Variants in ATP8A2 observed in about 807,000 individuals in gnomAD.
The protein encoded by ATP8A2 is phospholipid-transporting ATPase IB.
ATP8A2 carries 100 observed loss-of-function variants against 165.6 expected under a neutral mutation model. That is an observed-to-expected ratio of 0.60 (90% CI 0.51 to 0.71). ATP8A2 has a LOEUF of 0.71. ATP8A2 is among the 30% of genes least tolerant of loss of function. The pLI, the probability that ATP8A2 is intolerant of heterozygous loss-of-function variation, is 0.00. For missense variants in ATP8A2, 1,227 were observed against 1,479.5 expected (o/e 0.83, Z 2.80); for synonymous variants, 543 against 548.8 (o/e 0.99, Z 0.15).
intron 33 of ATP8A2, among the ~76,000 whole-genome samples, chr13:25,947,559 C>T (rs1285156708): frequency 1.3e-5 from 2 of 152,158 alleles, no homozygotes; most frequent in African/African-American, 4.8e-5. Context: ...TCCAGGACTT[C>T]CAGCTCAGAA....
At chr13:25,976,070 A>C (rs1956028880) in intron 35 of ATP8A2, among the ~76,000 whole-genome samples, 1 of 152,084 alleles carries the variant, frequency 6.6e-6, no homozygotes, top group Non-Finnish European at 1.5e-5. Flanking sequence ...CTGAATCTGG[A>C]GAACTTTCTC....
At chr13:25,864,970 C>T (rs1952466477) in intron 33 of ATP8A2, among the ~76,000 whole-genome samples, 1 of 152,196 alleles carries the variant, frequency 6.6e-6, no homozygotes, top group Non-Finnish European at 1.5e-5. Flanking sequence ...TGACTCAGTG[C>T]TTTGTTCATT....
In ATP8A2 at chr13:25,685,744, C is replaced by T. The variant is rs180992747; in HGVS notation, c.2212-13429C>T. On this transcript the variant is annotated intron_variant, in intron 24 of 36. Transcript: ENST00000381655. The stretch of plus-strand genomic sequence containing the variant: ...AGGAGGTCAGAGGGGTGCTGGGCCT[C>T]GCTGGCCATCAGAAGGCACTTGGTT... 7.2e-3 allele frequency among the ~76,000 whole-genome samples: 1,097 copies of T among 152,222 alleles called. 13 individuals are homozygous for T. Among genetic ancestry groups the T allele is most frequent in the African/African-American group, 0.025 (1,023 of 41,540 alleles).
At chr13:25,583,388 A>G (rs945595581) in intron 23 of ATP8A2, among the ~76,000 whole-genome samples, 7 of 152,218 alleles carry the variant, frequency 4.6e-5, no homozygotes, top group African/African-American at 1.7e-4. Context: ...AAAAAAGTGG[A>G]TAACCCCTCA....
At chr13:25,585,003 G>T (rs549419961) in intron 23 of ATP8A2, among the ~76,000 whole-genome samples, 1 of 151,878 alleles carries the variant, frequency 6.6e-6, no homozygotes, top group African/African-American at 2.4e-5. Flanking sequence ...TATCTATCTC[G>T]TAGTTTGAGA....
At chr13:25,498,047 A>G (rs888833243) in intron 2 of ATP8A2, among the ~76,000 whole-genome samples, 7 of 152,188 alleles carry the variant, frequency 4.6e-5, no homozygotes, top group Admixed American at 4.6e-4. Context: ...CACCTGATCC[A>G]TATGCTGTAT....
At chr13:25,753,749 G>T (rs1430231586) in intron 25 of ATP8A2, among the ~76,000 whole-genome samples, 2 of 152,174 alleles carry the variant, frequency 1.3e-5, no homozygotes, top group African/African-American at 4.8e-5. Flanking sequence ...TTGTGGAAGG[G>T]TCTCAGTATC....
intron 25 of ATP8A2, among the ~76,000 whole-genome samples, chr13:25,709,101 G>A (rs1257342460): frequency 6.6e-6 from 1 of 152,168 alleles, no homozygotes; most frequent in Non-Finnish European, 1.5e-5. Context: ...AGGCCTGTAA[G>A]TGAGAGAGGC....
chr13:25,891,287 T>C (rs189927612), intron 33 of ATP8A2, among the ~76,000 whole-genome samples: 2 of 152,284 alleles, frequency 1.3e-5, no homozygotes, highest in Admixed American at 6.5e-5. Context: ...CAGAATGGGA[T>C]AGAAATCAGG....
chr13:25,507,199 A>G (rs1489768750), intron 2 of ATP8A2, among the ~76,000 whole-genome samples: 1 of 145,748 alleles, frequency 6.9e-6, no homozygotes, highest in Non-Finnish European at 1.5e-5. Flanking sequence ...TGGGGTGGGT[A>G]ATTGTGCTGG....
rs149225781 is a variant in ATP8A2 at position 25,882,941 on chromosome 13, G to A, written c.3183+20533G>A. On this transcript the variant is annotated intron_variant, in intron 33 of 36. Coordinates refer to ENST00000381655, the MANE Select transcript of ATP8A2 (RefSeq NM_016529.6). ...GATGATGATGATGATGATGATGATGGTGATGGTGATGATGGTGATGGTGAT... is the reference window on the plus strand; with the variant it reads ...GATGATGATGATGATGATGATGATGATGATGGTGATGATGGTGATGGTGAT... Among the ~76,000 whole-genome samples, 32 of 115,726 alleles carry A rather than the reference G, an allele frequency of 2.8e-4. 1 individual carries two copies. The highest frequency in any genetic ancestry group is 5.0e-3 in the Middle Eastern group (1 of 202). 75.9% of individuals were successfully genotyped at this position (115,726 alleles called of 152,430 possible).
At chr13:25,922,408 G>A (rs1050183769) in intron 33 of ATP8A2, among the ~76,000 whole-genome samples, 3 of 152,180 alleles carry the variant, frequency 2.0e-5, no homozygotes, top group Admixed American at 6.5e-5. Flanking sequence ...CTGGTGACAA[G>A]ACGATGAAAT....
At position 25,579,930 on chromosome 13, in the gene ATP8A2, T is replaced by C. The variant is rs2138232177; in HGVS notation, c.1990T>C (p.Tyr664His). The change falls in exon 22 of 37, where the codon TAC becomes CAC. Residue 664 changes from tyrosine (Y) to histidine (H), a missense_variant. Physicochemically the swap from Tyr to His is moderately conservative, Grantham distance 83. Transcript: ENST00000381655. Reference sequence around the variant, plus strand: ...CAGAGCTCAACGGTTGGAAGAGTGTTACGAGATCATTGAGAAGGTAACCGC... The same window carrying C: ...CAGAGCTCAACGGTTGGAAGAGTGTCACGAGATCATTGAGAAGGTAACCGC... ...KDRAQRLEEC[Y>H]EIIEKNLLLL... The C allele has an allele frequency of 6.2e-7, 1 of 1,614,050 alleles. No individual in the cohort carries two copies. The highest frequency in any genetic ancestry group is 8.5e-7 in the Non-Finnish European group (1 of 1,179,962).
chr13:25,613,017 G>C (rs1184407816), intron 24 of ATP8A2, among the ~76,000 whole-genome samples: 1 of 152,032 alleles, frequency 6.6e-6, no homozygotes. Flanking sequence ...GTGAGTCCTT[G>C]CATGTTAGGG....
chr13:25,591,374 G>GT (rs2040072787), intron 24 of ATP8A2: 1 of 456,538 alleles, frequency 2.2e-6, no homozygotes, highest in African/African-American at 2.0e-5. Flanking sequence ...TTTCACAGCT[G>GT]TAAGTACCTC....
rs78589840 is a variant in ATP8A2, at chr13:25,389,297, A to C, written c.76+17009A>C. 1.3e-3 allele frequency among the ~76,000 whole-genome samples: 192 copies of C among 152,352 alleles called. 3 individuals are homozygous for C. In the East Asian group the frequency reaches 0.033, roughly 26 times the overall value. ...GTTGAGTATAATAATTATTTCTGTC[A>C]TATTTTCCCCCCTAAAATACTGAAA... is the stretch of plus-strand genomic sequence containing the variant. On this transcript the variant is annotated intron_variant, in intron 1 of 36. Coordinates refer to ENST00000381655, the MANE Select transcript of ATP8A2 (RefSeq NM_016529.6).
intron 2 of ATP8A2, 102 bp downstream of exon 2, chr13:25,469,223 G>T: frequency 7.1e-7 from 1 of 1,412,848 alleles, no homozygotes; most frequent in South Asian, 1.3e-5. Context: ...GCCGGCCCCC[G>T]TCCATCTCCC....
chr13:25,783,695 G>A (rs1419345964), intron 27 of ATP8A2, among the ~76,000 whole-genome samples: 1 of 152,142 alleles, frequency 6.6e-6, no homozygotes. Flanking sequence ...GGGAGGAGAG[G>A]GTCAGGGAAT....
intron 27 of ATP8A2, among the ~76,000 whole-genome samples, chr13:25,803,691 AC>A (rs1246413482): frequency 6.6e-6 from 1 of 152,210 alleles, no homozygotes; most frequent in Non-Finnish European, 1.5e-5. Context: ...CTCAGATGTT[AC>A]CATTACCTGA....
Sources: allele counts gnomAD v4.1 joint callset (sites outside exome capture counted in the v4.1 genomes callset), GRCh38; gene constraint gnomAD v4.1.1; transcripts MANE v1.5; gene names NCBI Gene and HGNC (gene_info 2026-07-23, HGNC 2026-07-21).